Variants in CTNNA3 observed in about 807,000 individuals in gnomAD.
The protein encoded by CTNNA3 is catenin alpha-3.
CTNNA3 carries 76 observed loss-of-function variants against 95.7 expected under a neutral mutation model. The observed-to-expected ratio is 0.79, with a 90% CI of 0.66 to 0.96. The LOEUF (loss-of-function observed/expected upper bound fraction) is 0.96, where lower values mean the gene tolerates loss of function less well. CTNNA3 is among the 40% of genes least tolerant of loss of function. The probability of loss-of-function intolerance (pLI) is 0.00; values close to 1 mark genes in which losing one functional copy is unlikely to be tolerated. For synonymous variants in CTNNA3, 431 were observed against 374.4 expected (o/e 1.15, Z -1.74); for missense variants, 1,191 against 1,089.8 (o/e 1.09, Z -1.31).
At chr10:66,360,935 C>G (rs1403386416) in intron 12 of CTNNA3, among the ~76,000 whole-genome samples, 1 of 140,518 alleles carries the variant, frequency 7.1e-6, no homozygotes, top group Non-Finnish European at 1.5e-5. Context: ...TTCTGTCTCT[C>G]TCTCTCTCTG....
At chr10:66,284,924 C>T (rs1224798922) in intron 12 of CTNNA3, among the ~76,000 whole-genome samples, 3 of 151,698 alleles carry the variant, frequency 2.0e-5, no homozygotes, top group African/African-American at 7.3e-5. Flanking sequence ...CCACTTTATA[C>T]TCTTCTTTTT....
chr10:67,095,519 C>A (rs1245955997), intron 7 of CTNNA3, among the ~76,000 whole-genome samples: 1 of 151,656 alleles, frequency 6.6e-6, no homozygotes, highest in Non-Finnish European at 1.5e-5. Context: ...CTCTGCATAC[C>A]AGTCAGTAGC....
chr10:66,069,830 C>T (rs1468324593), intron 14 of CTNNA3, among the ~76,000 whole-genome samples: 1 of 152,008 alleles, frequency 6.6e-6, no homozygotes, highest in Non-Finnish European at 1.5e-5. Flanking sequence ...TAATGCATCA[C>T]CTTTGTTAGA....
At chr10:66,653,402 C>CAAG (rs60137091) in intron 9 of CTNNA3, among the ~76,000 whole-genome samples, 99,826 of 151,396 alleles carry the variant, frequency 0.66, 33,772 homozygotes, top group East Asian at 0.94. Flanking sequence ...TAAATTTAAA[C>CAAG]GAGGTAAAAG....
chr10:67,609,476 G>C (rs1182661997), intron 2 of CTNNA3, among the ~76,000 whole-genome samples: 6 of 151,946 alleles, frequency 3.9e-5, no homozygotes, highest in Non-Finnish European at 7.4e-5. Context: ...GAAGTTATGG[G>C]GGAAATATGC....
At chr10:67,584,827 G>T (rs1437180176) in intron 3 of CTNNA3, among the ~76,000 whole-genome samples, 2 of 152,222 alleles carry the variant, frequency 1.3e-5, no homozygotes, top group Non-Finnish European at 2.9e-5. Context: ...CTGTGTGCTA[G>T]CAATGAGCGA....
chr10:67,462,897 T>A (rs1385634738), intron 5 of CTNNA3, among the ~76,000 whole-genome samples: 1 of 150,438 alleles, frequency 6.6e-6, no homozygotes, highest in Non-Finnish European at 1.5e-5. Context: ...CTGCAAGGAT[T>A]TTTTTTCTTT....
At chr10:66,815,689 A>T (rs1842051197) in intron 7 of CTNNA3, among the ~76,000 whole-genome samples, 2 of 152,218 alleles carry the variant, frequency 1.3e-5, no homozygotes, top group Admixed American at 6.5e-5. Context: ...TGTAAATAAA[A>T]GTTTGGAAAT....
chr10:66,661,196 A>G (rs1846251636), intron 9 of CTNNA3, among the ~76,000 whole-genome samples: 1 of 152,084 alleles, frequency 6.6e-6, no homozygotes, highest in African/African-American at 2.4e-5. Context: ...GTCCATTTTC[A>G]TACTGCTGAT....
intron 11 of CTNNA3, among the ~76,000 whole-genome samples, chr10:66,398,965 T>C (rs1453795477): frequency 6.6e-6 from 1 of 152,034 alleles, no homozygotes; most frequent in East Asian, 1.9e-4. Flanking sequence ...TTCCTTTTAC[T>C]TTAGTTTTCA....
At chr10:66,264,455 C>T (rs924642676) in intron 13 of CTNNA3, among the ~76,000 whole-genome samples, 1 of 151,670 alleles carries the variant, frequency 6.6e-6, no homozygotes, top group African/African-American at 2.4e-5. Context: ...TTTTAACTTG[C>T]TAGTAGTCAT....
At chr10:67,419,140 A>G (rs1291817803) in intron 5 of CTNNA3, among the ~76,000 whole-genome samples, 1 of 152,188 alleles carries the variant, frequency 6.6e-6, no homozygotes, top group Non-Finnish European at 1.5e-5. Context: ...TTCCACCTCT[A>G]CCATGGTGAC....
intron 7 of CTNNA3, among the ~76,000 whole-genome samples, chr10:67,096,762 G>T (rs188845233): frequency 6.6e-6 from 1 of 151,800 alleles, no homozygotes; most frequent in Admixed American, 6.6e-5. Flanking sequence ...TTCTTTAGTT[G>T]GCAAGGGAGT....
chr10:67,635,104 T>A (rs904611582), intron 2 of CTNNA3, among the ~76,000 whole-genome samples: 1 of 151,734 alleles, frequency 6.6e-6, no homozygotes, highest in Non-Finnish European at 1.5e-5. Context: ...ACATACACCC[T>A]CCCAAGACTG....
intron 5 of CTNNA3, among the ~76,000 whole-genome samples, chr10:67,493,159 C>A (rs1252864882): frequency 2.0e-5 from 3 of 151,240 alleles, no homozygotes; most frequent in Non-Finnish European, 4.4e-5. Flanking sequence ...GCCTTTCAGG[C>A]CAGATTTCTT....
chr10:66,640,177 T>C lies in CTNNA3; in HGVS notation c.1282-18393A>G, dbSNP rs572078256. ...TCTCAACTCCTCTTTCCTGTGTCTTTTCTCCCCTCTATTGCATATCACAGA... is the reference window on the plus strand; with the variant it reads ...TCTCAACTCCTCTTTCCTGTGTCTTCTCTCCCCTCTATTGCATATCACAGA... On this transcript the variant is annotated intron_variant, in intron 9 of 17. Coordinates refer to ENST00000433211, the MANE Select transcript of CTNNA3 (RefSeq NM_013266.4). Among the ~76,000 whole-genome samples, 16 of 152,318 alleles carry C rather than the reference T, an allele frequency of 1.1e-4. No homozygotes were observed. In the South Asian group the frequency reaches 3.3e-3, roughly 32 times the overall value.
In CTNNA3 at chr10:65,915,022, T is replaced by C. The variant is rs752129228; in HGVS notation, c.*5308A>G. On this transcript the variant is annotated 3_prime_UTR_variant, in exon 18 of 18. Coordinates refer to ENST00000433211, the MANE Select transcript of CTNNA3 (RefSeq NM_013266.4). Reference sequence around the variant, plus strand: ...TTTGGAGGATTGAATAAGATAATAGTTAGCATTTAACACAGAGCTGGCACA... The same window carrying C: ...TTTGGAGGATTGAATAAGATAATAGCTAGCATTTAACACAGAGCTGGCACA... 1 of 152,260 alleles carries C rather than the reference T, an allele frequency of 6.6e-6. No homozygotes were observed. The allele number at this position is 152,260 out of a possible 1,614,324, so 9.4% of individuals were successfully genotyped here.
intron 12 of CTNNA3, among the ~76,000 whole-genome samples, chr10:66,353,440 T>C (rs532101483): frequency 3.3e-5 from 5 of 152,276 alleles, no homozygotes; most frequent in African/African-American, 1.2e-4. Flanking sequence ...GAGGCAGACA[T>C]CTGTTGGTAT....
intron 9 of CTNNA3, among the ~76,000 whole-genome samples, chr10:66,666,342 C>T (rs1042575240): frequency 6.6e-6 from 1 of 152,114 alleles, no homozygotes; most frequent in Non-Finnish European, 1.5e-5. Context: ...TTTTTTCTAC[C>T]ATGGTCCCCA....
Sources: gnomAD v4.1 joint callset for allele counts (sites outside exome capture counted in the v4.1 genomes callset) on GRCh38, gnomAD v4.1.1 for gene constraint, MANE v1.5 for transcripts, NCBI Gene and HGNC (gene_info 2026-07-23, HGNC 2026-07-21) for gene names.